Variants in LIPA observed in about 807,000 individuals in gnomAD.
LIPA encodes lysosomal acid lipase/cholesteryl ester hydrolase.
In LIPA, 26 loss-of-function variants were observed where a neutral mutation model predicts 40.6. The ratio of observed to expected loss-of-function variants is 0.64; its 90% confidence interval spans 0.47 to 0.89. LIPA has a LOEUF of 0.89. LIPA is among the 40% of genes least tolerant of loss of function. The pLI is 0.00. For synonymous variants in LIPA, 188 were observed against 168.4 expected, an observed-to-expected ratio of 1.12 and a Z score of -0.90; for missense variants, 455 against 479.6, an observed-to-expected ratio of 0.95 and a Z score of 0.48.
At chr10:89,252,901 G>T (rs1843150564), upstream of LIPA, among the ~76,000 whole-genome samples, 1 of 152,184 alleles carries the variant, frequency 6.6e-6, no homozygotes, top group Admixed American at 6.5e-5. Flanking sequence ...AGGCAAGGAG[G>T]TAGTTAACAG....
intron 3 of LIPA, among the ~76,000 whole-genome samples, chr10:89,234,460 G>A (rs147116265): frequency 2.2e-4 from 33 of 152,326 alleles, no homozygotes; most frequent in Non-Finnish European, 4.4e-4. Flanking sequence ...TAGGCATGAC[G>A]GATCCTCAGC....
upstream of LIPA, chr10:89,251,817 G>A (rs1276883988): frequency 6.6e-6 from 1 of 152,436 alleles, no homozygotes; most frequent in Non-Finnish European, 1.5e-5. Flanking sequence ...GGACCTGCAG[G>A]GGGCCTGGTC....
chr10:89,268,108 T>C (rs1002293117), intron 1 of LIPA, among the ~76,000 whole-genome samples: 1 of 152,222 alleles, frequency 6.6e-6, no homozygotes, highest in African/African-American at 2.4e-5. Context: ...ATGGGAGATA[T>C]CCTTCATATG....
chr10:89,251,421 C>T (rs1843118642), intron 1 of LIPA, among the ~76,000 whole-genome samples: 1 of 152,204 alleles, frequency 6.6e-6, no homozygotes, highest in Non-Finnish European at 1.5e-5. Flanking sequence ...TCCCTGCTGT[C>T]CTCGCGGTCC....
chr10:89,332,369 C>G (rs1053575939), intron 1 of LIPA: 1 of 790,234 alleles, frequency 1.3e-6, no homozygotes, highest in Non-Finnish European at 1.8e-6. Flanking sequence ...ACTTTCAAAC[C>G]ACAGTTTTCC....
intron 2 of LIPA, among the ~76,000 whole-genome samples, chr10:89,372,049 T>C (rs148345075): frequency 4.8e-4 from 73 of 152,292 alleles, no homozygotes; most frequent in African/African-American, 1.6e-3. Context: ...ATATGGGACC[T>C]ACTTGAGGGT....
At chr10:89,332,303 A>G (rs941790825) in intron 1 of LIPA, among the ~76,000 whole-genome samples, 1 of 152,276 alleles carries the variant, frequency 6.6e-6, no homozygotes, top group African/African-American at 2.4e-5. Context: ...GCCTCTTGAC[A>G]TAACACATTT....
At chr10:89,258,179 T>C (rs1843190315) in intron 1 of LIPA, among the ~76,000 whole-genome samples, 2 of 152,174 alleles carry the variant, frequency 1.3e-5, no homozygotes, top group African/African-American at 2.4e-5. Context: ...CCATGACAAT[T>C]CAATGGGGAA....
chr10:89,372,665 G>C (rs535121209), intron 2 of LIPA, among the ~76,000 whole-genome samples: 1 of 152,310 alleles, frequency 6.6e-6, no homozygotes, highest in South Asian at 2.1e-4. Flanking sequence ...GTCTGCCTTG[G>C]CCATGCTAAC....
At chr10:89,359,293 T>C (rs1183395348) in intron 2 of LIPA, among the ~76,000 whole-genome samples, 1 of 152,190 alleles carries the variant, frequency 6.6e-6, no homozygotes, top group Non-Finnish European at 1.5e-5. Flanking sequence ...ATATAACTAT[T>C]ATGTCTCAAT....
At chr10:89,326,718 A>G (rs1313941749) in intron 1 of LIPA, among the ~76,000 whole-genome samples, 1 of 152,214 alleles carries the variant, frequency 6.6e-6, no homozygotes, top group African/African-American at 2.4e-5. Flanking sequence ...TGTGTCCACA[A>G]AAAATTTTTA....
intron 1 of LIPA, chr10:89,338,965 T>C: frequency 6.2e-7 from 1 of 1,614,202 alleles, no homozygotes; most frequent in Non-Finnish European, 8.5e-7. Context: ...CGCCTGGGTC[T>C]ACTATCACTT....
At chr10:89,365,498 T>G (rs1844050072) in intron 2 of LIPA, among the ~76,000 whole-genome samples, 1 of 152,250 alleles carries the variant, frequency 6.6e-6, no homozygotes, top group Admixed American at 6.5e-5. Context: ...CCATTGTTTC[T>G]GGAGTTTTAG....
rs1396019737 is a variant in LIPA, at chr10:89,293,522, T to C, written c.-1-45873A>G. The C allele has an allele frequency of 3.3e-5, 5 of 152,290 alleles. No individual in the cohort carries two copies. In the East Asian group the frequency reaches 9.6e-4, roughly 29 times the overall value. 9.4% of individuals were successfully genotyped at this position (152,290 alleles called of 1,614,324 possible). A position where few individuals can be genotyped will look rare whatever the true frequency, so the allele number is the denominator to read the frequency against. On this transcript the variant is annotated intron_variant, in intron 1 of 5. Coordinates refer to the LIPA transcript ENST00000282673. The stretch of plus-strand genomic sequence containing the variant: ...TATTAGTCTACATTGGCTGCCATAA[T>C]GAAAAATCACAGACTAGGTGGCTTA...
intron 2 of LIPA, among the ~76,000 whole-genome samples, chr10:89,383,090 C>T (rs915293140): frequency 3.9e-5 from 6 of 152,186 alleles, no homozygotes; most frequent in African/African-American, 9.7e-5. Context: ...GACTTTTAGA[C>T]TTCATGTAAC....
intron 1 of LIPA, chr10:89,342,492 C>G (rs1411140019): frequency 6.6e-6 from 1 of 152,110 alleles, no homozygotes; most frequent in African/African-American, 2.4e-5. Flanking sequence ...AACAACATAC[C>G]AGAAATACAA....
intron 8 of LIPA, among the ~76,000 whole-genome samples, chr10:89,218,079 T>A (rs1842650258): frequency 6.6e-6 from 1 of 152,158 alleles, no homozygotes; most frequent in Non-Finnish European, 1.5e-5. Context: ...ACAGAGTATA[T>A]GTAGATAATG....
chr10:89,367,330 A>G (rs1367482723), intron 2 of LIPA, among the ~76,000 whole-genome samples: 2 of 152,198 alleles, frequency 1.3e-5, no homozygotes, highest in African/African-American at 4.8e-5. Flanking sequence ...TAATAATTAA[A>G]AAAAAAGACA....
At chr10:89,290,375 C>T (rs950480346) in intron 1 of LIPA, among the ~76,000 whole-genome samples, 1 of 152,156 alleles carries the variant, frequency 6.6e-6, no homozygotes, top group African/African-American at 2.4e-5. Context: ...CTTAATCTCT[C>T]CCACTCTAGA....
Sources: allele counts gnomAD v4.1 joint callset (sites outside exome capture counted in the v4.1 genomes callset), GRCh38; gene constraint gnomAD v4.1.1; transcripts MANE v1.5; gene names NCBI Gene and HGNC (gene_info 2026-07-23, HGNC 2026-07-21).